The following BMPR1A variants were observed in gnomAD, a reference collection of about 807,000 sequenced individuals.
BMPR1A encodes bone morphogenetic protein receptor type-1A.
BMPR1A carries 7 observed loss-of-function variants against 66.0 expected under a neutral mutation model. That is an observed-to-expected ratio of 0.11 (90% confidence interval 0.06 to 0.20). BMPR1A has a LOEUF of 0.20. Ranked by LOEUF, BMPR1A falls within the 10% of genes least tolerant of loss-of-function variation. The pLI, the probability that BMPR1A is intolerant of heterozygous loss-of-function variation, is 1.00. For synonymous variants in BMPR1A, 200 were observed against 229.7 expected, an observed-to-expected ratio of 0.87 and a Z score of 1.17; for missense variants, 408 against 669.1, an observed-to-expected ratio of 0.61 and a Z score of 4.31.
rs147038104 is a variant in BMPR1A at position 86,816,405 on chromosome 10, C to T, written c.-267-22460C>T. ...GTGGTCACATTTGTGGCATTATCCG[C>T]AGCACTGACCCCTACCTTAGTAATT... On this transcript the variant is annotated intron_variant, in intron 1 of 12. Coordinates refer to ENST00000372037, the MANE Select transcript of BMPR1A (RefSeq NM_004329.3). Among the ~76,000 whole-genome samples, 150 of 152,252 alleles carry T rather than the reference C, an allele frequency of 9.9e-4. 1 individual carries two copies. The highest frequency in any genetic ancestry group is 3.4e-3 in the African/African-American group (143 of 41,550).
intron 3 of BMPR1A, among the ~76,000 whole-genome samples, chr10:86,887,553 A>G (rs1423989381): frequency 6.6e-6 from 1 of 152,168 alleles, no homozygotes; most frequent in Non-Finnish European, 1.5e-5. Context: ...GGCAGGAATT[A>G]TTATCCCCAT....
At chr10:86,847,004 C>T (rs910771517) in intron 2 of BMPR1A, among the ~76,000 whole-genome samples, 7 of 151,970 alleles carry the variant, frequency 4.6e-5, no homozygotes, top group African/African-American at 7.3e-5. Context: ...GGTGGAGTCT[C>T]GCTCTGCTCT....
intron 1 of BMPR1A, among the ~76,000 whole-genome samples, chr10:86,759,124 C>A (rs142540273): frequency 8.0e-4 from 122 of 152,256 alleles, no homozygotes; most frequent in African/African-American, 2.9e-3. Context: ...GGGAAAGATA[C>A]CTTAAAATTG....
intron 1 of BMPR1A, among the ~76,000 whole-genome samples, chr10:86,782,086 C>G (rs1446487939): frequency 1.3e-5 from 2 of 152,014 alleles, no homozygotes; most frequent in East Asian, 3.9e-4. Flanking sequence ...TGGTCTTGAA[C>G]TCCTGACCTC....
intron 3 of BMPR1A, among the ~76,000 whole-genome samples, chr10:86,886,019 T>C (rs1843062889): frequency 6.6e-6 from 1 of 152,236 alleles, no homozygotes; most frequent in Non-Finnish European, 1.5e-5. Context: ...TTTCATTTTT[T>C]CCTGAGATGT....
rs565870097 is a variant in BMPR1A, at chr10:86,766,496, A to G, written c.-268+9577A>G. ...GAATTCTTAGAAATGCATTTACTAT[A>G]AGAGAAGCCGTGCAGATTGGATGGA... On this transcript the variant is annotated intron_variant, in intron 1 of 12. Coordinates refer to ENST00000372037, the MANE Select transcript of BMPR1A (RefSeq NM_004329.3). 4.6e-5 allele frequency among the ~76,000 whole-genome samples: 7 copies of G among 152,216 alleles called. No individual in the cohort carries two copies. The East Asian group carries it at 1.4e-3, about 29-fold the overall frequency.
chr10:86,917,069 C>T (rs1843581159), intron 8 of BMPR1A, 65 bp from the exon 9 acceptor site: 1 of 1,540,264 alleles, frequency 6.5e-7, no homozygotes, highest in African/African-American at 1.4e-5. Flanking sequence ...GATGGACTAC[C>T]CCTTTGCCAG....
At chr10:86,855,401 C>T in intron 2 of BMPR1A, 1 of 782,322 alleles carries the variant, frequency 1.3e-6, no homozygotes. Context: ...TTTGATTTGG[C>T]AAATTTTCTG....
chr10:86,929,547 G>A (rs1843789259), downstream of BMPR1A: 1 of 152,214 alleles, frequency 6.6e-6, no homozygotes, highest in African/African-American at 2.4e-5. Context: ...ATGTGGCACT[G>A]ATTATTGTTC....
chr10:86,779,379 C>T (rs1332746816), intron 1 of BMPR1A, among the ~76,000 whole-genome samples: 1 of 152,156 alleles, frequency 6.6e-6, no homozygotes, highest in Non-Finnish European at 1.5e-5. Context: ...TCCCTTTTCT[C>T]CTGTCCTTGT....
chr10:86,893,336 G>C (rs998019013), intron 5 of BMPR1A, among the ~76,000 whole-genome samples: 2 of 152,202 alleles, frequency 1.3e-5, no homozygotes, highest in African/African-American at 2.4e-5. Flanking sequence ...TGAGCATCCT[G>C]ATGGCTCTGG....
chr10:86,861,031 C>T (rs1842705992), intron 2 of BMPR1A, among the ~76,000 whole-genome samples: 3 of 151,802 alleles, frequency 2.0e-5, no homozygotes, highest in Admixed American at 2.0e-4. Flanking sequence ...TTAGTAGAGA[C>T]AGGGTTTCAC....
At chr10:86,872,317 T>C (rs1842863410) in intron 2 of BMPR1A, among the ~76,000 whole-genome samples, 1 of 152,200 alleles carries the variant, frequency 6.6e-6, no homozygotes, top group South Asian at 2.1e-4. Flanking sequence ...TCCTAAATAG[T>C]TTAAAATGTG....
intron 3 of BMPR1A, among the ~76,000 whole-genome samples, chr10:86,883,565 A>AAAAAC (rs1843023620): frequency 6.8e-6 from 1 of 147,874 alleles, no homozygotes; most frequent in Non-Finnish European, 1.5e-5. Flanking sequence ...AAAAAAAAAA[A>AAAAAC]AAAAAGACCA....
At chr10:86,810,620 A>G (rs1841955964) in intron 1 of BMPR1A, among the ~76,000 whole-genome samples, 1 of 152,016 alleles carries the variant, frequency 6.6e-6, no homozygotes, top group Non-Finnish European at 1.5e-5. Flanking sequence ...GGTCTGAAGT[A>G]TTTTGTCGTG....
At chr10:86,832,413 C>T (rs1842282709) in intron 1 of BMPR1A, among the ~76,000 whole-genome samples, 1 of 150,204 alleles carries the variant, frequency 6.7e-6, no homozygotes, top group Admixed American at 6.7e-5. Flanking sequence ...TTGTGGTGAG[C>T]TGAGTTCGTG....
At chr10:86,870,777 A>G (rs1393903522) in intron 2 of BMPR1A, among the ~76,000 whole-genome samples, 1 of 150,914 alleles carries the variant, frequency 6.6e-6, no homozygotes, top group East Asian at 1.9e-4. Context: ...CTGCCACCCT[A>G]TTCTTTTTTT....
chr10:86,932,281 AT>A (rs1843819106), downstream of BMPR1A: 2 of 152,256 alleles, frequency 1.3e-5, no homozygotes, highest in Non-Finnish European at 2.9e-5. Flanking sequence ...ATGTACAATT[AT>A]CAGAACCAGG....
chr10:86,757,524 T>G (rs1410721766), intron 1 of BMPR1A, among the ~76,000 whole-genome samples: 1 of 152,106 alleles, frequency 6.6e-6, no homozygotes, highest in Non-Finnish European at 1.5e-5. Flanking sequence ...TCCAGACTCC[T>G]AGTGGAAAGA....
Sources: gnomAD v4.1 joint callset for allele counts (sites outside exome capture counted in the v4.1 genomes callset) on GRCh38, gnomAD v4.1.1 for gene constraint, MANE v1.5 for transcripts, NCBI Gene and HGNC (gene_info 2026-07-23, HGNC 2026-07-21) for gene names.